CPT1C: variants seen among roughly 807,000 people sequenced by gnomAD.
CPT1C encodes the protein carnitine palmitoyltransferase 1C, also known as palmitoyl thioesterase CPT1C.
In CPT1C, 61 loss-of-function variants were observed where a neutral mutation model predicts 97.3. The observed-to-expected ratio is 0.63, with a 90% CI of 0.51 to 0.78. The LOEUF (loss-of-function observed/expected upper bound fraction) is 0.78, where lower values mean the gene tolerates loss of function less well. Among genes scored for constraint, CPT1C ranks in the 30% least tolerant of loss-of-function variants. CPT1C has a pLI of 0.00. For missense variants in CPT1C, 975 were observed against 1,065.5 expected (o/e 0.92, Z 1.18); for synonymous variants, 469 against 447.2 (o/e 1.05, Z -0.61).
rs1568515846 is a variant in CPT1C at position 49,700,950 on chromosome 19, G to GTCCCTCTCTCTCTGGGTCTCT, written c.453+100_453+120dup. 3 of 1,350,760 alleles carry GTCCCTCTCTCTCTGGGTCTCT rather than the reference G, an allele frequency of 2.2e-6. No homozygotes were observed. In the African/African-American group the frequency reaches 4.5e-5, roughly 20 times the overall value. The allele number at this position is 1,350,760 out of a possible 1,614,324, so 83.7% of individuals were successfully genotyped here. A position where few individuals can be genotyped will look rare whatever the true frequency, so the allele number is the denominator to read the frequency against. On this transcript the variant is annotated intron_variant, in intron 5 of 19. Transcript: ENST00000598293. ...TCTGTCCCCCTCTCTCTGGGTCTCT[G>GTCCCTCTCTCTCTGGGTCTCT]TCCCTCTCTCTCTGGGTCTCTTCCC...
chr19:49,710,576 C>A (rs2083803739), intron 15 of CPT1C, 92 bp downstream of exon 15: 1 of 1,573,178 alleles, frequency 6.4e-7, no homozygotes, highest in Non-Finnish European at 8.7e-7. Flanking sequence ...GTGGTCGCTG[C>A]CATTGTGGGT....
intron 4 of CPT1C, among the ~76,000 whole-genome samples, chr19:49,698,533 C>T (rs758618939): frequency 5.3e-5 from 8 of 151,286 alleles, no homozygotes; most frequent in South Asian, 2.1e-4. Flanking sequence ...TGTGGTGGTG[C>T]GCGCCTGTAG....
At chr19:49,703,326 C>T (rs902845630) in intron 7 of CPT1C, among the ~76,000 whole-genome samples, 10 of 151,642 alleles carry the variant, frequency 6.6e-5, no homozygotes, top group South Asian at 4.2e-4. Context: ...TCTCCTGCCT[C>T]AGCCTCCCAT....
At position 49,705,298 on chromosome 19, in the gene CPT1C, G is replaced by T. The variant is rs1294043412; in HGVS notation, c.964G>T (p.Asp322Tyr). The T allele has an allele frequency of 1.3e-6, 2 of 1,593,504 alleles. No individual in the cohort carries two copies. Among genetic ancestry groups the T allele is most frequent in the Non-Finnish European group, 1.7e-6 (2 of 1,165,432 alleles). The change falls in exon 10 of 20, where the codon GAC becomes TAC. Residue 322 changes from aspartate (D) to tyrosine (Y), a missense_variant and splice_region_variant. Around this residue, in one of 3 missense-constraint regions of CPT1C, gnomAD observed 596 missense variants for 603.1 expected, o/e 0.99. Coordinates refer to ENST00000598293, the MANE Select transcript of CPT1C (RefSeq NM_001199753.2). ...CACGCGGATTCCAGGGGTCCAAAAA[G>T]GTGAGACCCTCTCCTGTCCCCACTG... is the stretch of plus-strand genomic sequence containing the variant. Reference protein sequence around the residue: ...NTTRIPGVQKDYIRHLHDSQH... With the variant: ...NTTRIPGVQKYYIRHLHDSQH...
chr19:49,700,680 G>T lies in CPT1C; in HGVS notation c.282-4G>T, dbSNP rs375985389. The T allele has an allele frequency of 3.1e-6, 5 of 1,606,640 alleles. No individual in the cohort carries two copies. Among genetic ancestry groups the T allele is most frequent in the African/African-American group, 1.3e-5 (1 of 74,910 alleles). The stretch of plus-strand genomic sequence containing the variant: ...AGGCCCAGCCTCTGTTTCTCTCCCC[G>T]CAGGGGTGGACAACACCACGGGCTC... On this transcript the variant is annotated splice_polypyrimidine_tract_variant and splice_region_variant and intron_variant, in intron 4 of 19. Coordinates refer to ENST00000598293, the MANE Select transcript of CPT1C (RefSeq NM_001199753.2).
Position 49,701,354 on chromosome 19 carries a change from T to C in CPT1C, c.491T>C (p.Leu164Pro). Residue 164 changes from leucine (L) to proline (P), a missense_variant, in exon 6 of 20, where the codon CTG (leucine) becomes CCG (proline). Physicochemically the swap from Leu to Pro is moderately conservative, Grantham distance 98 (BLOSUM62 -3). Coordinates refer to ENST00000598293, the MANE Select transcript of CPT1C (RefSeq NM_001199753.2). ...ATCTTCTCTGGCCGCCACCCGATGC[T>C]GTTCAGTTACCAGCGCTCCCTGCCA... ...VRIFSGRHPMLFSYQRSLPRQ... is the reference protein window; with the variant it reads ...VRIFSGRHPMPFSYQRSLPRQ... 6.2e-7 allele frequency: 1 copy of C among 1,613,640 alleles called. No homozygotes were observed. Among genetic ancestry groups the C allele is most frequent in the Non-Finnish European group, 8.5e-7 (1 of 1,179,938 alleles).
At chr19:49,700,396 G>C (rs1217691995) in intron 4 of CPT1C, among the ~76,000 whole-genome samples, 1 of 152,136 alleles carries the variant, frequency 6.6e-6, no homozygotes, top group Non-Finnish European at 1.5e-5. Flanking sequence ...CAGAACTATT[G>C]CCTTAGAGTA....
At position 49,705,421 on chromosome 19, in the gene CPT1C, G is replaced by A. The variant is rs560809666; in HGVS notation, c.964+123G>A. On this transcript the variant is annotated intron_variant, in intron 10 of 19. Transcript: ENST00000598293. ...TTCCTTGCTGTGTGACCTTCTGCAC[G>A]TTATTACCCTCTCTGAGCCTCAGCT... is the stretch of plus-strand genomic sequence containing the variant. 6 of 784,462 alleles carry A rather than the reference G, an allele frequency of 7.6e-6. No homozygotes were observed. In the East Asian group the frequency reaches 1.6e-4, roughly 20 times the overall value. The allele number at this position is 784,462 out of a possible 1,614,324, so 48.6% of individuals were successfully genotyped here.
intron 3 of CPT1C, among the ~76,000 whole-genome samples, chr19:49,695,016 C>T (rs1244048582): frequency 2.0e-5 from 3 of 151,874 alleles, no homozygotes; most frequent in Non-Finnish European, 2.9e-5. Context: ...TGGCAGTCAC[C>T]TGTAGTCCCA....
At chr19:49,700,258 AAAAC>A (rs1568513741) in intron 4 of CPT1C, among the ~76,000 whole-genome samples, 1 of 101,086 alleles carries the variant, frequency 9.9e-6, no homozygotes, top group Admixed American at 1.1e-4. Flanking sequence ...AAAACAAAAC[AAAAC>A]AAAAAAAAAA....
chr19:49,691,417 T>TC (rs1459948715), intron 1 of CPT1C, 77 bp downstream of exon 1: 1 of 151,962 alleles, frequency 6.6e-6, no homozygotes, highest in Non-Finnish European at 1.5e-5. Context: ...TGCAAGCCTC[T>TC]CCATCACTTG....
rs1277127855 is a variant in CPT1C, at chr19:49,704,753, A to G, written c.737A>G (p.Asn246Ser). 4.3e-6 allele frequency: 7 copies of G among 1,613,918 alleles called. No homozygotes were observed. The highest frequency in any genetic ancestry group is 5.9e-6 in the Non-Finnish European group (7 of 1,180,018). The change falls in exon 8 of 20, where the codon AAT becomes AGT. Residue 246 changes from asparagine (N) to serine (S), a missense_variant. This residue lies in a region of CPT1C where 596 missense variants were observed against 603.1 expected (regional missense o/e 0.99). Coordinates refer to ENST00000598293, the MANE Select transcript of CPT1C (RefSeq NM_001199753.2). ...WEEFVYLRSR[N>S]PLMVNSNYYM... ...GAATTTGTGTACCTGCGCTCCCGAAATCCGCTGATGGTGAACAGCAACTAT... is the reference window on the plus strand; with the variant it reads ...GAATTTGTGTACCTGCGCTCCCGAAGTCCGCTGATGGTGAACAGCAACTAT...
At chr19:49,701,685 A>G in intron 7 of CPT1C, 51 bp downstream of exon 7, 1 of 1,526,578 alleles carries the variant, frequency 6.6e-7, no homozygotes, top group Non-Finnish European at 8.8e-7. Flanking sequence ...TAAGGTTGTG[A>G]GCTCGCCTGC....
chr19:49,701,547 C>G lies in CPT1C; in HGVS notation c.606C>G (p.Thr202=). 2 of 1,612,192 alleles carry G rather than the reference C, an allele frequency of 1.2e-6. No homozygotes were observed. The highest frequency in any genetic ancestry group is 2.2e-5 in the East Asian group (1 of 44,756). ...PILSDEDFDW[T]AVLAQEFLRL... is the part of the protein sequence containing the mutation. Reference sequence around the variant, plus strand: ...TCTCCGACGAGGACTTCGACTGGACCGCGGTCCTGGCGCAGGAATTCCTGA... The same window carrying G: ...TCTCCGACGAGGACTTCGACTGGACGGCGGTCCTGGCGCAGGAATTCCTGA... The change falls in exon 7 of 20, where the codon ACC becomes ACG. Residue 202 remains threonine (T), a synonymous_variant. Coordinates refer to ENST00000598293, the MANE Select transcript of CPT1C (RefSeq NM_001199753.2).
chr19:49,703,078 C>T (rs1334543752), intron 7 of CPT1C, among the ~76,000 whole-genome samples: 3 of 151,250 alleles, frequency 2.0e-5, no homozygotes, highest in Non-Finnish European at 4.4e-5. Flanking sequence ...TTTACACACA[C>T]ACACACACAC....
chr19:49,699,796 T>C (rs147944778), intron 4 of CPT1C, among the ~76,000 whole-genome samples: 1,539 of 152,030 alleles, frequency 0.01, 21 homozygotes, highest in African/African-American at 0.035. Context: ...CTACTAAAAA[T>C]GCAAAAAATT....
rs113028852 is a variant in CPT1C, at chr19:49,710,711, C to T, written c.1732-12C>T. ...CAGCTGACAGACTCCTCTTCTCCTCCCTGTCCCCCAGGACAGGGGTCAATT... is the reference window on the plus strand; with the variant it reads ...CAGCTGACAGACTCCTCTTCTCCTCTCTGTCCCCCAGGACAGGGGTCAATT... On this transcript the variant is annotated splice_polypyrimidine_tract_variant and intron_variant, in intron 15 of 19. Transcript: ENST00000598293. The T allele has an allele frequency of 3.1e-6, 5 of 1,609,376 alleles. No homozygotes were observed. The South Asian group carries it at 5.5e-5, about 18-fold the overall frequency.
At position 49,713,449 on chromosome 19, in the gene CPT1C, G is replaced by A. The variant is rs2084051365; in HGVS notation, c.2256G>A (p.Glu752=). The change falls in exon 20 of 20, where the codon GAG becomes GAA. Residue 752 remains glutamate (E), a synonymous_variant. Coordinates refer to ENST00000598293, the MANE Select transcript of CPT1C (RefSeq NM_001199753.2). ...CCCACAGGCTGGGGCAGCACATTGA[G>A]GACGCACTGCTGGATGTGGCCTCCC... is the stretch of plus-strand genomic sequence containing the variant. ...TDSHRLGQHI[E]DALLDVASLF... is the part of the protein sequence containing the mutation. 6.2e-7 allele frequency: 1 copy of A among 1,613,936 alleles called. No homozygotes were observed. Among genetic ancestry groups the A allele is most frequent in the Non-Finnish European group, 8.5e-7 (1 of 1,179,880 alleles).
rs2082959451 is a variant in CPT1C, at chr19:49,700,653, C to T, written c.282-31C>T. The T allele has an allele frequency of 3.8e-6, 6 of 1,598,980 alleles. No individual in the cohort carries two copies. The African/African-American group carries it at 4.0e-5, about 11-fold the overall frequency. ...GAGGGAGGTTCTGAGGCCAGGAGAC[C>T]CAGGCCCAGCCTCTGTTTCTCTCCC... On this transcript the variant is annotated intron_variant, in intron 4 of 19. Coordinates refer to ENST00000598293, the MANE Select transcript of CPT1C (RefSeq NM_001199753.2).
Sources: gnomAD v4.1 joint callset for allele counts (sites outside exome capture counted in the v4.1 genomes callset) on GRCh38, gnomAD v4.1.1 for gene constraint, gnomAD v4.1.1 regional missense constraint, MANE v1.5 for transcripts, NCBI Gene and HGNC (gene_info 2026-07-23, HGNC 2026-07-21) for gene names.